Variants in ERO1A observed in about 807,000 individuals in gnomAD.
ERO1A encodes endoplasmic reticulum oxidoreductase 1 alpha.
A neutral mutation model predicts 76.9 loss-of-function variants in ERO1A; 49 were observed. That is an observed-to-expected ratio of 0.64 (90% CI 0.51 to 0.81). The LOEUF (loss-of-function observed/expected upper bound fraction) is 0.81. ERO1A is among the 30% of genes least tolerant of loss of function. The pLI, the probability that ERO1A is intolerant of heterozygous loss-of-function variation, is 0.00. For missense variants in ERO1A, 448 were observed against 542.1 expected (o/e 0.83, Z 1.72); for synonymous variants, 174 against 181.2 (o/e 0.96, Z 0.32).
chr14:52,657,123 T>C (rs1357428052), intron 11 of ERO1A, among the ~76,000 whole-genome samples: 2 of 152,198 alleles, frequency 1.3e-5, no homozygotes, highest in East Asian at 1.9e-4. Context: ...CCCCTTTCCA[T>C]AGCAATGACC....
chr14:52,691,861 T>C (rs900285614), intron 1 of ERO1A, among the ~76,000 whole-genome samples: 1 of 152,228 alleles, frequency 6.6e-6, no homozygotes, highest in Admixed American at 6.5e-5. Flanking sequence ...TATACAATTC[T>C]TACATGAGGT....
chr14:52,667,324 C>G (rs912683362), intron 6 of ERO1A, among the ~76,000 whole-genome samples: 1 of 152,214 alleles, frequency 6.6e-6, no homozygotes. Context: ...CATCACAGAA[C>G]AGCCAGAGCA....
intron 1 of ERO1A, among the ~76,000 whole-genome samples, chr14:52,694,021 G>A (rs547689234): frequency 1.4e-4 from 21 of 151,700 alleles, no homozygotes; most frequent in African/African-American, 4.8e-4. Flanking sequence ...GGTTATTAAG[G>A]AAAAAAAAAG....
At chr14:52,669,934 T>C (rs2040540776) in intron 6 of ERO1A, among the ~76,000 whole-genome samples, 1 of 152,216 alleles carries the variant, frequency 6.6e-6, no homozygotes. Flanking sequence ...TTTTGTTGTG[T>C]TGTTTTGAGA....
intron 4 of ERO1A, among the ~76,000 whole-genome samples, chr14:52,677,768 G>A (rs768759847): frequency 6.6e-6 from 1 of 150,590 alleles, no homozygotes; most frequent in Non-Finnish European, 1.5e-5. Flanking sequence ...AAAGCTGAGG[G>A]GAGAGAATCA....
intron 4 of ERO1A, among the ~76,000 whole-genome samples, chr14:52,675,957 T>C (rs889315267): frequency 3.3e-5 from 5 of 152,200 alleles, no homozygotes; most frequent in South Asian, 4.1e-4. Context: ...AGTGCTGGGA[T>C]TGTAAGCATG....
chr14:52,671,730 T>C (rs762460976), intron 5 of ERO1A, 27 bp from the exon 6 acceptor site: 7 of 1,580,840 alleles, frequency 4.4e-6, no homozygotes, highest in Non-Finnish European at 6.0e-6. Context: ...AAAATAACAT[T>C]ATTATTTTTA....
intron 7 of ERO1A, among the ~76,000 whole-genome samples, chr14:52,665,047 A>C (rs2040363977): frequency 6.6e-6 from 1 of 151,220 alleles, no homozygotes; most frequent in African/African-American, 2.4e-5. Context: ...CACCCCTGTA[A>C]TCCCAGCACT....
intron 13 of ERO1A, among the ~76,000 whole-genome samples, chr14:52,650,677 G>A (rs1001505315): frequency 6.6e-6 from 1 of 152,150 alleles, no homozygotes; most frequent in Non-Finnish European, 1.5e-5. Context: ...CTTTGTAAGA[G>A]AGAAGAGAAA....
intron 13 of ERO1A, among the ~76,000 whole-genome samples, chr14:52,650,490 T>TA (rs34931114): frequency 0.18 from 26,283 of 142,460 alleles, 2,348 homozygotes; most frequent in Admixed American, 0.23. Context: ...TAAACCTACT[T>TA]AAAAAAAAAA....
intron 12 of ERO1A, among the ~76,000 whole-genome samples, chr14:52,652,798 G>A (rs887769101): frequency 6.6e-6 from 1 of 152,092 alleles, no homozygotes; most frequent in African/African-American, 2.4e-5. Flanking sequence ...AGGAGTTCGA[G>A]ACCAGCCTGG....
At chr14:52,664,294 G>A (rs979191892) in intron 7 of ERO1A, 3 of 151,494 alleles carry the variant, frequency 2.0e-5, no homozygotes, top group African/African-American at 7.3e-5. Flanking sequence ...TTCCACTTAG[G>A]TAATCTTTAG....
rs1299371276 is a variant in ERO1A, at chr14:52,642,722, C to T, written c.*848G>A. 1 of 152,328 alleles carries T rather than the reference C, an allele frequency of 6.6e-6. No homozygotes were observed. Among genetic ancestry groups the T allele is most frequent in the Non-Finnish European group, 1.5e-5 (1 of 67,956 alleles). 9.4% of individuals were successfully genotyped at this position (152,328 alleles called of 1,614,324 possible). A position where few individuals can be genotyped will look rare whatever the true frequency, so the allele number is the denominator to read the frequency against. ...AATCTGGGTAAGAGAGCTCTTTGTA[C>T]TATTTTTGAAACTTTTCTGTAAATT... On this transcript the variant is annotated 3_prime_UTR_variant, in exon 16 of 16. Coordinates refer to ENST00000395686, the MANE Select transcript of ERO1A (RefSeq NM_014584.3).
rs895886121 is a variant in ERO1A, at chr14:52,695,223, C to A, written c.114+145G>T. 30 of 542,622 alleles carry A rather than the reference C, an allele frequency of 5.5e-5. No homozygotes were observed. The Middle Eastern group carries it at 1.6e-3, about 29-fold the overall frequency. 33.6% of individuals were successfully genotyped at this position (542,622 alleles called of 1,614,324 possible). ...CACGCCAAGCCAGACTCAGTCCCGGCCACCGGGCAGCAGCACCGGAGTCTC... is the reference window on the plus strand; with the variant it reads ...CACGCCAAGCCAGACTCAGTCCCGGACACCGGGCAGCAGCACCGGAGTCTC... On this transcript the variant is annotated intron_variant, in intron 1 of 15. Coordinates refer to ENST00000395686, the MANE Select transcript of ERO1A (RefSeq NM_014584.3).
chr14:52,647,935 T>A (rs982086305), intron 13 of ERO1A, among the ~76,000 whole-genome samples: 16 of 152,160 alleles, frequency 1.1e-4, no homozygotes, highest in Admixed American at 9.2e-4. Flanking sequence ...ACCACAAATC[T>A]AAAATAGGAA....
intron 11 of ERO1A, among the ~76,000 whole-genome samples, chr14:52,655,148 C>T (rs915294207): frequency 2.0e-5 from 3 of 152,056 alleles, no homozygotes; most frequent in East Asian, 3.9e-4. Context: ...AGGTGGATCA[C>T]GAGGTCAGGA....
At chr14:52,670,404 G>A (rs938211891) in intron 6 of ERO1A, among the ~76,000 whole-genome samples, 2 of 152,122 alleles carry the variant, frequency 1.3e-5, no homozygotes, top group East Asian at 1.9e-4. Context: ...TTTTTGAGAC[G>A]GAGTCTCGCT....
intron 6 of ERO1A, among the ~76,000 whole-genome samples, chr14:52,667,403 T>A (rs1256959466): frequency 6.6e-6 from 1 of 152,076 alleles, no homozygotes; most frequent in East Asian, 1.9e-4. Context: ...TTATAATGTG[T>A]TATAACTTCA....
intron 4 of ERO1A, among the ~76,000 whole-genome samples, chr14:52,676,626 A>T (rs2040793606): frequency 6.6e-6 from 1 of 152,234 alleles, no homozygotes; most frequent in African/African-American, 2.4e-5. Context: ...GTTTCTTTGC[A>T]TCTAGAAAAT....
Sources: allele counts gnomAD v4.1 joint callset (sites outside exome capture counted in the v4.1 genomes callset), GRCh38; gene constraint gnomAD v4.1.1; transcripts MANE v1.5; gene names NCBI Gene and HGNC (gene_info 2026-07-23, HGNC 2026-07-21).